Variants in GPR108 observed in about 807,000 individuals in gnomAD.
GPR108 encodes protein GPR108.
In GPR108, 60 loss-of-function variants were observed where a neutral mutation model predicts 74.3. The ratio of observed to expected loss-of-function variants is 0.81; its 90% confidence interval spans 0.66 to 1.00. The LOEUF (loss-of-function observed/expected upper bound fraction) is 1.00, where lower values mean the gene tolerates loss of function less well. GPR108 is among the 50% of genes least tolerant of loss of function. The pLI is 0.00. For synonymous variants in GPR108, 311 were observed against 292.4 expected (o/e 1.06, Z -0.65); for missense variants, 667 against 703.3 (o/e 0.95, Z 0.58).
intron 1 of GPR108, 124 bp from the exon 2 acceptor site, chr19:6,736,835 G>T: frequency 7.5e-7 from 1 of 1,342,012 alleles, no homozygotes; most frequent in South Asian, 1.3e-5. Flanking sequence ...AGGCCCAGAG[G>T]ATGACAAGAG....
chr19:6,734,466 C>A (rs912219633), intron 4 of GPR108, among the ~76,000 whole-genome samples, 159 bp from the exon 5 acceptor site: 3 of 152,196 alleles, frequency 2.0e-5, no homozygotes, highest in African/African-American at 7.2e-5. Context: ...TGGTTCCCAC[C>A]GGTCAAGGAG....
chr19:6,736,010 C>T (rs1968620643), intron 2 of GPR108, 52 bp from the exon 3 acceptor site: 2 of 1,511,554 alleles, frequency 1.3e-6, no homozygotes, highest in South Asian at 1.2e-5. Flanking sequence ...AGAGACCTCC[C>T]AGCTATCCCT....
intron 10 of GPR108, 190 bp downstream of exon 10, chr19:6,732,797 G>A: frequency 1.5e-6 from 1 of 655,350 alleles, no homozygotes. Flanking sequence ...AGGGACAGTG[G>A]TGGACAGAGC....
chr19:6,735,927 C>T lies in GPR108; in HGVS notation c.272G>A (p.Gly91Asp), dbSNP rs866732065. 1 of 1,611,600 alleles carries T rather than the reference C, an allele frequency of 6.2e-7. No individual in the cohort carries two copies. Among genetic ancestry groups the T allele is most frequent in the South Asian group, 1.1e-5 (1 of 90,598 alleles). The change falls in exon 3 of 18, where the codon GGC becomes GAC. Residue 91 changes from glycine (G) to aspartate (D), a missense_variant. Transcript: ENST00000264080. ...VGFSLSRVRS[G>D]RVRSYSTRDF... is the part of the protein sequence containing the mutation. The stretch of plus-strand genomic sequence containing the variant: ...ACTCACTGAATAGGAGCGAACTCTG[C>T]CAGACCGAACCCGGCTGAGACTGAA...
At position 6,730,354 on chromosome 19, in the gene GPR108, G is replaced by T; in HGVS notation, c.1590C>A (p.Leu530=). 6.2e-7 allele frequency: 1 copy of T among 1,613,622 alleles called. No homozygotes were observed. The highest frequency in any genetic ancestry group is 8.5e-7 in the Non-Finnish European group (1 of 1,179,896). ...CGCTGGCTGTTTTGTTGACTTTGGA[G>T]AGGCCTTCCCGGAACCCAGAGTCCG... The part of the protein sequence containing the change: ...VMTDSGFREG[L]SKVNKTASGR... Residue 530 remains leucine, a synonymous_variant, in exon 18 of 18, where the codon CTC becomes CTA. Coordinates refer to ENST00000264080, the MANE Select transcript of GPR108 (RefSeq NM_001080452.2).
intron 17 of GPR108, 87 bp downstream of exon 17, chr19:6,730,900 C>CT: frequency 8.7e-7 from 1 of 1,143,440 alleles, no homozygotes; most frequent in South Asian, 1.3e-5. Context: ...GCTACAGTCC[C>CT]TCCCCCCTGC....
rs1968323715 is a variant in GPR108 at position 6,730,112 on chromosome 19, G to A, written c.*200C>T. 1.7e-6 allele frequency: 1 copy of A among 599,234 alleles called. No homozygotes were observed. The highest frequency in any genetic ancestry group is 3.0e-6 in the Non-Finnish European group (1 of 330,372). The allele number at this position is 599,234 out of a possible 1,614,324, so 37.1% of individuals were successfully genotyped here. On this transcript the variant is annotated 3_prime_UTR_variant, in exon 18 of 18. Transcript: ENST00000264080. ...AGCTGGAAGGGAGGGGTGGTCCCGG[G>A]GTAAGGACAGGGCTGCCCAATATTT...
intron 9 of GPR108, 36 bp from the exon 10 acceptor site, chr19:6,733,098 G>C: frequency 2.5e-6 from 4 of 1,613,336 alleles, no homozygotes; most frequent in Non-Finnish European, 3.4e-6. Context: ...GGGGTGCGGG[G>C]CATCAGCAGA....
rs764649193 is a variant in GPR108, at chr19:6,731,490, G to T, written c.1333C>A (p.Arg445=). ...GCTCCTACCATGACATAGTAATGCC[G>T]GAACAGCTTCAGCTTGGCCAGGTTC... is the stretch of plus-strand genomic sequence containing the variant. ...AVNLAKLKLF[R]HYYVMVICYV... Residue 445 remains arginine (R), a synonymous_variant, in exon 15 of 18, where the codon CGG becomes AGG. Coordinates refer to ENST00000264080, the MANE Select transcript of GPR108 (RefSeq NM_001080452.2). 3 of 1,500,452 alleles carry T rather than the reference G, an allele frequency of 2.0e-6. No individual in the cohort carries two copies. The highest frequency in any genetic ancestry group is 1.8e-6 in the Non-Finnish European group (2 of 1,119,342). The allele number at this position is 1,500,452 out of a possible 1,614,324, so 92.9% of individuals were successfully genotyped here.
At position 6,734,272 on chromosome 19, in the gene GPR108, A is replaced by G; in HGVS notation, c.410T>C (p.Leu137Ser). Residue 137 changes from leucine (L) to serine (S), a missense_variant, in exon 5 of 18, where the codon TTG (leucine) becomes TCG (serine). Leu to Ser is a moderately radical substitution (Grantham distance 145). Coordinates refer to ENST00000264080, the MANE Select transcript of GPR108 (RefSeq NM_001080452.2). The stretch of plus-strand genomic sequence containing the variant: ...CGGGAGGAGCCCGGGAAAGATAAAC[A>G]ACGTCTTCTGCTCTCCATACTTCCG... Reference protein sequence around the residue: ...QVRKYGEQKTLFIFPGLLPEA... With the variant: ...QVRKYGEQKTSFIFPGLLPEA... The G allele has an allele frequency of 1.2e-6, 2 of 1,613,886 alleles. No individual in the cohort carries two copies. Among genetic ancestry groups the G allele is most frequent in the East Asian group, 2.2e-5 (1 of 44,840 alleles).
chr19:6,737,408 G>T, intron 1 of GPR108, 49 bp downstream of exon 1: 3 of 1,565,952 alleles, frequency 1.9e-6, no homozygotes, highest in Non-Finnish European at 2.6e-6. Flanking sequence ...GGGCTTCTCC[G>T]AGACAAAGTT....
In GPR108 at chr19:6,730,966, TG is replaced by T; in HGVS notation, c.1559+20del. ...ACTCCACCCCCAGAGCCGCCGGCCCTGCCCATGGTGCCCAGCTCACACTTGC... is the reference window on the plus strand; with the variant it reads ...ACTCCACCCCCAGAGCCGCCGGCCCTCCCATGGTGCCCAGCTCACACTTGC... On this transcript the variant is annotated intron_variant, in intron 17 of 17. Transcript: ENST00000264080. 1.7e-6 allele frequency: 2 copies of T among 1,201,448 alleles called. No individual in the cohort carries two copies. The highest frequency in any genetic ancestry group is 2.1e-6 in the Non-Finnish European group (2 of 935,944). 74.4% of individuals were successfully genotyped at this position (1,201,448 alleles called of 1,614,324 possible).
chr19:6,731,544 G>T (rs561182012), intron 14 of GPR108, 22 bp from the exon 15 acceptor site: 1 of 1,443,826 alleles, frequency 6.9e-7, no homozygotes, highest in Non-Finnish European at 9.2e-7. Context: ...CACAGAGAGG[G>T]CGGTCAGGGG....
chr19:6,733,562 C>T lies in GPR108; in HGVS notation c.723+8G>A. The T allele has an allele frequency of 1.2e-6, 2 of 1,613,290 alleles. No homozygotes were observed. The highest frequency in any genetic ancestry group is 1.7e-6 in the Non-Finnish European group (2 of 1,179,210). Reference sequence around the variant, plus strand: ...CTCCCTGGCCCTGCTGCCCTCCACTCCGCTCACCGTGATGTCGAATGGATG... The same window carrying T: ...CTCCCTGGCCCTGCTGCCCTCCACTTCGCTCACCGTGATGTCGAATGGATG... On this transcript the variant is annotated splice_region_variant and intron_variant, in intron 8 of 17. Transcript: ENST00000264080.
chr19:6,733,473 G>T, intron 8 of GPR108, 97 bp downstream of exon 8: 1 of 1,391,790 alleles, frequency 7.2e-7, no homozygotes, highest in Non-Finnish European at 1.0e-6. Context: ...CTTCGCACCC[G>T]GGAGGGCTGG....
rs1477997445 is a variant in GPR108 at position 6,737,460 on chromosome 19, C to A, written c.117G>T (p.Leu39=). 6.3e-7 allele frequency: 1 copy of A among 1,586,152 alleles called. No individual in the cohort carries two copies. Among genetic ancestry groups the A allele is most frequent in the Non-Finnish European group, 8.5e-7 (1 of 1,174,640 alleles). The change falls in exon 1 of 18, where the codon CTG becomes CTT. Residue 39 remains leucine, a synonymous_variant. Transcript: ENST00000264080. ...GCSGRIHQLA[L]TGEKRADIQL... Reference sequence around the variant, plus strand: ...ACCCTCGCGCGGCGGGCCTCACCGTCAGCGCCAGCTGGTGGATGCGCCCGG... The same window carrying A: ...ACCCTCGCGCGGCGGGCCTCACCGTAAGCGCCAGCTGGTGGATGCGCCCGG...
At chr19:6,730,562 T>G in intron 17 of GPR108, 178 bp from the exon 18 acceptor site, 2 of 572,888 alleles carry the variant, frequency 3.5e-6, no homozygotes, top group Non-Finnish European at 3.1e-6. Flanking sequence ...GCGCAGGCCC[T>G]ACCCTTCTAC....
rs1820120763 is a variant in GPR108 at position 6,730,472 on chromosome 19, T to TC, written c.1560-89dup. 5 of 999,964 alleles carry TC rather than the reference T, an allele frequency of 5.0e-6. No individual in the cohort carries two copies. The African/African-American group carries it at 6.7e-5, about 13-fold the overall frequency. The allele number at this position is 999,964 out of a possible 1,614,324, so 61.9% of individuals were successfully genotyped here. On this transcript the variant is annotated intron_variant, in intron 17 of 17. Transcript: ENST00000264080. ...CGGAACCACTCAGGCCCCGCCCCAC[T>TC]CCCCCCAACCACAGCAGCCCTGGCC... is the stretch of plus-strand genomic sequence containing the variant.
Position 6,730,252 on chromosome 19 carries a change from A to T in GPR108, c.*60T>A. ...CACCTCCCCACATACGCTGTGGAAGAAGGGCAGGAGTGAGAAATGCTGGGG... is the reference window on the plus strand; with the variant it reads ...CACCTCCCCACATACGCTGTGGAAGTAGGGCAGGAGTGAGAAATGCTGGGG... On this transcript the variant is annotated 3_prime_UTR_variant, in exon 18 of 18. Transcript: ENST00000264080. 6.8e-7 allele frequency: 1 copy of T among 1,480,484 alleles called. No individual in the cohort carries two copies. Among genetic ancestry groups the T allele is most frequent in the Non-Finnish European group, 9.4e-7 (1 of 1,058,314 alleles). 91.7% of individuals were successfully genotyped at this position (1,480,484 alleles called of 1,614,324 possible).
Sources: allele counts gnomAD v4.1 joint callset (sites outside exome capture counted in the v4.1 genomes callset), GRCh38; gene constraint gnomAD v4.1.1; transcripts MANE v1.5; gene names NCBI Gene and HGNC (gene_info 2026-07-23, HGNC 2026-07-21).